SLC38A7: variants seen among roughly 807,000 people sequenced by gnomAD.
SLC38A7 encodes sodium-coupled neutral amino acid transporter 7.
SLC38A7 carries 29 observed loss-of-function variants against 50.1 expected under a neutral mutation model. The observed-to-expected ratio is 0.58, with a 90% CI of 0.43 to 0.79. SLC38A7 has a LOEUF of 0.79. SLC38A7 is among the 30% of genes least tolerant of loss of function. The pLI is 0.00. For synonymous variants in SLC38A7, 244 were observed against 245.9 expected, an observed-to-expected ratio of 0.99 and a Z score of 0.07; for missense variants, 483 against 610.6, an observed-to-expected ratio of 0.79 and a Z score of 2.20.
Position 58,680,121 on chromosome 16 carries a change from G to T in SLC38A7, c.6C>A (p.Ala2=). Residue 2 remains alanine, a synonymous_variant, in exon 3 of 12, where the codon GCC becomes GCA. Transcript: ENST00000219320. M[A]QVSINNDYSE... The stretch of plus-strand genomic sequence containing the variant: ...TGTAGTCATTGTTGATGCTGACCTG[G>T]GCCATGGCCCCGAGAGCCTTCTTCC... 1 of 1,522,860 alleles carries T rather than the reference G, an allele frequency of 6.6e-7. No homozygotes were observed. The allele number at this position is 1,522,860 out of a possible 1,614,324, so 94.3% of individuals were successfully genotyped here. A position where few individuals can be genotyped will look rare whatever the true frequency, so the allele number is the denominator to read the frequency against.
chr16:58,681,926 G>A (rs2044397404), intron 2 of SLC38A7: 1 of 152,206 alleles, frequency 6.6e-6, no homozygotes, highest in Non-Finnish European at 1.5e-5. Context: ...AGAGGTCGAG[G>A]TGGGCAGATC....
At chr16:58,672,783 A>T (rs1326434518) in intron 8 of SLC38A7, among the ~76,000 whole-genome samples, 1 of 151,996 alleles carries the variant, frequency 6.6e-6, no homozygotes, top group Non-Finnish European at 1.5e-5. Flanking sequence ...GGTAGCTAGG[A>T]CTACAGGCAG....
chr16:58,670,541 A>G (rs1473713211), intron 10 of SLC38A7, among the ~76,000 whole-genome samples: 1 of 152,234 alleles, frequency 6.6e-6, no homozygotes, highest in Non-Finnish European at 1.5e-5. Flanking sequence ...CAAGCTGGAA[A>G]AGGGTGGAAC....
At position 58,680,024 on chromosome 16, in the gene SLC38A7, G is replaced by C. The variant is rs757451661; in HGVS notation, c.103C>G (p.Pro35Ala). 1.2e-5 allele frequency: 20 copies of C among 1,609,984 alleles called. No individual in the cohort carries two copies. The highest frequency in any genetic ancestry group is 1.7e-5 in the Non-Finnish European group (20 of 1,177,728). The change falls in exon 3 of 12, where the codon CCC becomes GCC. Residue 35 changes from proline (P) to alanine (A), a missense_variant. Coordinates refer to ENST00000219320, the MANE Select transcript of SLC38A7 (RefSeq NM_018231.3). ...LLQSPCVDTA[P>A]KSEWEASPGG... Reference sequence around the variant, plus strand: ...GGAGAGGCTTCCCACTCACTCTTGGGGGCTGTGTCCACACAGGGACTCTGC... The same window carrying C: ...GGAGAGGCTTCCCACTCACTCTTGGCGGCTGTGTCCACACAGGGACTCTGC...
At chr16:58,679,530 C>G (rs186676889) in intron 3 of SLC38A7, 1 of 522,570 alleles carries the variant, frequency 1.9e-6, no homozygotes, top group East Asian at 3.0e-5. Context: ...CCAATATAAG[C>G]TATCATATCA....
At chr16:58,680,540 C>G (rs2044368952) in intron 2 of SLC38A7, among the ~76,000 whole-genome samples, 2 of 152,170 alleles carry the variant, frequency 1.3e-5, no homozygotes, top group African/African-American at 4.8e-5. Context: ...CATGGATATA[C>G]TTTATCTCAT....
At chr16:58,679,818 A>T in intron 3 of SLC38A7, 39 bp downstream of exon 3, 2 of 1,610,854 alleles carry the variant, frequency 1.2e-6, no homozygotes, top group South Asian at 2.2e-5. Context: ...AAAGCGCCCA[A>T]CTGAACTGCA....
At chr16:58,677,499 C>T in intron 5 of SLC38A7, 75 bp from the exon 6 acceptor site, 2 of 1,321,042 alleles carry the variant, frequency 1.5e-6, no homozygotes, top group Non-Finnish European at 2.2e-6. Flanking sequence ...GGACATCCAC[C>T]TTCAGCTCTA....
chr16:58,678,885 C>T lies in SLC38A7; in HGVS notation c.280G>A (p.Val94Ile), dbSNP rs751321781. The T allele has an allele frequency of 6.2e-7, 1 of 1,613,198 alleles. No individual in the cohort carries two copies. Among genetic ancestry groups the T allele is most frequent in the Admixed American group, 1.7e-5 (1 of 60,004 alleles). ...ATGACAAGGCCACTGATGATGAAAA[C>T]CAGCATACCCTGCAGGCAGAGGCAG... ...AGIALQMGML[V>I]FIISGLVILA... The change falls in exon 4 of 12, where the codon GTT (valine) becomes ATT (isoleucine). Residue 94 changes from valine (V) to isoleucine (I), a missense_variant. By Grantham distance (29) the Val-to-Ile change is conservative. Transcript: ENST00000219320. This position sits in a 1 kb window ranked among gnomAD's most constrained non-coding sequence, Gnocchi z 4.0.
intron 10 of SLC38A7, 136 bp downstream of exon 10, chr16:58,670,909 A>G: frequency 1.1e-6 from 1 of 913,814 alleles, no homozygotes; most frequent in East Asian, 2.6e-5. Flanking sequence ...GGGCTAGTAC[A>G]GAGGCGAGAC....
chr16:58,677,189 A>G (rs888147399), intron 6 of SLC38A7, 137 bp downstream of exon 6: 11 of 689,798 alleles, frequency 1.6e-5, no homozygotes, highest in Non-Finnish European at 2.3e-5. Flanking sequence ...CCTCCTTCCT[A>G]CAATGACCAA....
chr16:58,675,133 C>G, intron 8 of SLC38A7: 1 of 214,118 alleles, frequency 4.7e-6, no homozygotes, highest in Non-Finnish European at 9.6e-6. Flanking sequence ...TCTTCTGGCT[C>G]TTTCTCATCA....
chr16:58,675,868 C>A, intron 8 of SLC38A7, 72 bp downstream of exon 8: 2 of 1,226,266 alleles, frequency 1.6e-6, no homozygotes, highest in East Asian at 2.5e-5. Flanking sequence ...GAAAGCTAGG[C>A]CCCAGGACCT....
intron 11 of SLC38A7, 32 bp from the exon 12 acceptor site, chr16:58,667,519 A>T (rs1439908668): frequency 1.3e-6 from 2 of 1,532,170 alleles, no homozygotes; most frequent in East Asian, 2.3e-5. Flanking sequence ...AGGTCTGATC[A>T]GTCATCCCAT....
At chr16:58,671,301 T>C in intron 9 of SLC38A7, 57 bp from the exon 10 acceptor site, 8 of 1,562,236 alleles carry the variant, frequency 5.1e-6, no homozygotes, top group Non-Finnish European at 7.0e-6. Flanking sequence ...TCCCCACCTC[T>C]AGCTCACAGG....
At chr16:58,671,772 G>A in intron 9 of SLC38A7, 1 of 226,444 alleles carries the variant, frequency 4.4e-6, no homozygotes, top group East Asian at 9.0e-5. Flanking sequence ...GTCTCACTAG[G>A]TTGCCCAGGT....
intron 9 of SLC38A7, 32 bp from the exon 10 acceptor site, chr16:58,671,276 CCTG>C: frequency 6.2e-7 from 1 of 1,600,862 alleles, no homozygotes; most frequent in Non-Finnish European, 8.5e-7. Context: ...TAGAGGTGCC[CCTG>C]CTGCTAGCAG....
chr16:58,675,850 G>A (rs550521686), intron 8 of SLC38A7, 90 bp downstream of exon 8: 1 of 994,614 alleles, frequency 1.0e-6, no homozygotes, highest in East Asian at 2.6e-5. Context: ...ATGCAGGGCT[G>A]TCCCCAGGAA....
In SLC38A7 at chr16:58,665,224, C is replaced by T. The variant is rs1406185814; in HGVS notation, c.*2161G>A. 1.3e-5 allele frequency: 2 copies of T among 152,316 alleles called. No individual in the cohort carries two copies. Among genetic ancestry groups the T allele is most frequent in the Non-Finnish European group, 2.9e-5 (2 of 68,134 alleles). The allele number at this position is 152,316 out of a possible 1,614,324, so 9.4% of individuals were successfully genotyped here. On this transcript the variant is annotated 3_prime_UTR_variant, in exon 12 of 12. Transcript: ENST00000219320. ...GTGGGGAGAGGATGGGAGGGGGCTC[C>T]TGAGGTTAGGACAAGAGGCCAGATT...
Sources: gnomAD v4.1 joint callset for allele counts (sites outside exome capture counted in the v4.1 genomes callset) on GRCh38, gnomAD v4.1.1 for gene constraint, Gnocchi (gnomAD v3.1) non-coding constraint, MANE v1.5 for transcripts, NCBI Gene and HGNC (gene_info 2026-07-23, HGNC 2026-07-21) for gene names.